ADCY2: variants seen among roughly 807,000 people sequenced by gnomAD.
ADCY2 encodes the protein adenylate cyclase 2.
In ADCY2, 31 loss-of-function variants were observed where a neutral mutation model predicts 125.2. The ratio of observed to expected loss-of-function variants is 0.25; its 90% CI spans 0.19 to 0.33. ADCY2 has a LOEUF of 0.33. Ranked by LOEUF, ADCY2 falls within the 10% of genes least tolerant of loss-of-function variation. ADCY2 has a pLI of 1.00. For synonymous variants in ADCY2, 512 were observed against 548.4 expected, an observed-to-expected ratio of 0.93 and a Z score of 0.93; for missense variants, 904 against 1,418.2, an observed-to-expected ratio of 0.64 and a Z score of 5.82.
At chr5:7,546,741 G>A (rs758069109) in intron 3 of ADCY2, among the ~76,000 whole-genome samples, 24 of 152,192 alleles carry the variant, frequency 1.6e-4, no homozygotes, top group Non-Finnish European at 3.4e-4. Context: ...AAGGCCGTCC[G>A]TGGGCTGTGC....
intron 14 of ADCY2, among the ~76,000 whole-genome samples, chr5:7,730,412 G>C (rs1742064593): frequency 6.6e-6 from 1 of 151,944 alleles, no homozygotes; most frequent in Non-Finnish European, 1.5e-5. Context: ...TAGGATTTTA[G>C]CTCTGACAGT....
intron 10 of ADCY2, among the ~76,000 whole-genome samples, chr5:7,712,199 C>T (rs1426719290): frequency 6.6e-6 from 1 of 152,118 alleles, no homozygotes; most frequent in African/African-American, 2.4e-5. Flanking sequence ...CAGTTTTGTT[C>T]CAACTTTTAT....
intron 4 of ADCY2, among the ~76,000 whole-genome samples, chr5:7,680,975 C>T (rs911215116): frequency 1.3e-5 from 2 of 152,176 alleles, no homozygotes; most frequent in African/African-American, 2.4e-5. Flanking sequence ...AACATAGGTA[C>T]AGAAATAGGA....
chr5:7,765,347 C>T (rs529590419), intron 16 of ADCY2, among the ~76,000 whole-genome samples: 3 of 152,224 alleles, frequency 2.0e-5, no homozygotes, highest in African/African-American at 7.2e-5. Flanking sequence ...CTTTTGGAGC[C>T]TGATGTTTGC....
At chr5:7,645,713 G>A (rs1037406479) in intron 4 of ADCY2, among the ~76,000 whole-genome samples, 12 of 152,072 alleles carry the variant, frequency 7.9e-5, no homozygotes, top group Admixed American at 5.9e-4. Context: ...CTCCCCTTAT[G>A]AGCCTGAGTC....
intron 2 of ADCY2, among the ~76,000 whole-genome samples, chr5:7,452,029 G>A (rs571897683): frequency 6.6e-6 from 1 of 152,270 alleles, no homozygotes; most frequent in Admixed American, 6.5e-5. Flanking sequence ...TCCAGCCTCA[G>A]CCTCTCGAGT....
At chr5:7,522,292 T>A (rs1744472307) in intron 3 of ADCY2, 1 of 152,196 alleles carries the variant, frequency 6.6e-6, no homozygotes, top group Admixed American at 6.5e-5. Flanking sequence ...CCAGCACTTA[T>A]TCATCTTATC....
intron 3 of ADCY2, among the ~76,000 whole-genome samples, chr5:7,561,189 A>G (rs916905156): frequency 5.3e-5 from 8 of 152,296 alleles, no homozygotes; most frequent in Non-Finnish European, 1.0e-4. Flanking sequence ...TATTTTTTCA[A>G]TGCTTTTAAC....
chr5:7,782,727 A>G (rs887251583), intron 18 of ADCY2, among the ~76,000 whole-genome samples: 1 of 152,236 alleles, frequency 6.6e-6, no homozygotes, highest in Admixed American at 6.5e-5. Flanking sequence ...GTGTGGTACC[A>G]CTTTCACTAT....
At chr5:7,748,002 T>A (rs1256825426) in intron 15 of ADCY2, among the ~76,000 whole-genome samples, 1 of 152,190 alleles carries the variant, frequency 6.6e-6, no homozygotes, top group Non-Finnish European at 1.5e-5. Flanking sequence ...CAGCTCACAG[T>A]CATGGCATCC....
rs369132237 is a variant in ADCY2 at position 7,614,083 on chromosome 5, C to A, written c.571-12084C>A. Reference sequence around the variant, plus strand: ...CAATCAATAATGCATCTTTAATTTACTTAATGTTATCCATAGTCATCAAAC... The same window carrying A: ...CAATCAATAATGCATCTTTAATTTAATTAATGTTATCCATAGTCATCAAAC... On this transcript the variant is annotated intron_variant, in intron 3 of 24. Coordinates refer to ENST00000338316, the MANE Select transcript of ADCY2 (RefSeq NM_020546.3). Among the ~76,000 whole-genome samples, 9 of 152,302 alleles carry A rather than the reference C, an allele frequency of 5.9e-5. No homozygotes were observed. The South Asian group carries it at 8.3e-4, about 14-fold the overall frequency.
chr5:7,812,802 C>T (rs534112732), intron 22 of ADCY2, among the ~76,000 whole-genome samples: 8 of 152,208 alleles, frequency 5.3e-5, no homozygotes, highest in South Asian at 4.2e-4. Flanking sequence ...CCCAGTTACT[C>T]GGGAGGCTGA....
rs574503234 is a variant in ADCY2 at position 7,538,803 on chromosome 5, G to A, written c.570+17904G>A. On this transcript the variant is annotated intron_variant, in intron 3 of 24. Transcript: ENST00000338316. ...GGCAAGCAGAAAGAGTAGTTCACTG[G>A]TTTTCAACACAAATTTTTTGAATAT... Among the ~76,000 whole-genome samples the A allele has an allele frequency of 4.7e-4, 70 of 149,544 alleles. No individual in the cohort carries two copies. In the Middle Eastern group the frequency reaches 0.011, roughly 23 times the overall value.
chr5:7,646,616 T>C (rs1167341150), intron 4 of ADCY2, among the ~76,000 whole-genome samples: 1 of 152,204 alleles, frequency 6.6e-6, no homozygotes, highest in African/African-American at 2.4e-5. Flanking sequence ...CTTCCGTCTA[T>C]GTGCAATGAA....
In ADCY2 at chr5:7,701,711, T is replaced by C. The variant is rs1741083748; in HGVS notation, c.1109+3337T>C. On this transcript the variant is annotated intron_variant, in intron 7 of 24. Coordinates refer to ENST00000338316, the MANE Select transcript of ADCY2 (RefSeq NM_020546.3). ...TACTTTCTGTCTCTGTGATTTTTAC[T>C]ATTCTGGATATTTCACGTAAATGGA... Among the ~76,000 whole-genome samples, 3 of 152,212 alleles carry C rather than the reference T, an allele frequency of 2.0e-5. 1 individual carries two copies. Among genetic ancestry groups the C allele is most frequent in the African/African-American group, 4.8e-5 (2 of 41,450 alleles).
At chr5:7,693,351 A>G (rs924945248) in intron 5 of ADCY2, among the ~76,000 whole-genome samples, 11 of 148,844 alleles carry the variant, frequency 7.4e-5, no homozygotes, top group Non-Finnish European at 1.6e-4. Context: ...AGTGCACTGT[A>G]CTTTCTCTAC....
chr5:7,505,632 T>A (rs1743784627), intron 2 of ADCY2, among the ~76,000 whole-genome samples: 7 of 152,240 alleles, frequency 4.6e-5, no homozygotes. Flanking sequence ...GCATCTTTCC[T>A]ATTGAGATTG....
chr5:7,479,116 A>G (rs192450757), intron 2 of ADCY2, among the ~76,000 whole-genome samples: 24 of 152,264 alleles, frequency 1.6e-4, no homozygotes, highest in African/African-American at 5.5e-4. Flanking sequence ...GTAGATTATT[A>G]TATACTTGAT....
chr5:7,607,961 A>G (rs1737438049), intron 3 of ADCY2, among the ~76,000 whole-genome samples: 1 of 152,180 alleles, frequency 6.6e-6, no homozygotes, highest in Non-Finnish European at 1.5e-5. Context: ...TCCTCTTGGG[A>G]GAGGTCACTC....
Sources: gnomAD v4.1 joint callset for allele counts (sites outside exome capture counted in the v4.1 genomes callset) on GRCh38, gnomAD v4.1.1 for gene constraint, MANE v1.5 for transcripts, NCBI Gene and HGNC (gene_info 2026-07-23, HGNC 2026-07-21) for gene names.